Variants in LARGE1 observed in about 807,000 individuals in gnomAD.
The protein encoded by LARGE1 is LARGE xylosyl- and glucuronyltransferase 1.
A neutral mutation model predicts 87.6 loss-of-function variants in LARGE1; 43 were observed. The ratio of observed to expected loss-of-function variants is 0.49; its 90% CI spans 0.38 to 0.63. The LOEUF (loss-of-function observed/expected upper bound fraction) is 0.63, where lower values mean the gene tolerates loss of function less well. Ranked by LOEUF, LARGE1 falls within the 30% of genes least tolerant of loss-of-function variation. The pLI is 0.00. For missense variants in LARGE1, 802 were observed against 1,000.2 expected (o/e 0.80, Z 2.67); for synonymous variants, 434 against 394.6 (o/e 1.10, Z -1.18).
intron 6 of LARGE1, among the ~76,000 whole-genome samples, chr22:33,445,130 A>C (rs570910773): frequency 6.6e-6 from 1 of 151,938 alleles, no homozygotes; most frequent in Admixed American, 6.6e-5. Flanking sequence ...GTGCCCCGCC[A>C]CCTCCTCTTC....
intron 9 of LARGE1, among the ~76,000 whole-genome samples, chr22:33,341,125 C>G (rs189873266): frequency 6.6e-6 from 1 of 151,962 alleles, no homozygotes; most frequent in Non-Finnish European, 1.5e-5. Flanking sequence ...GTGGGATCTT[C>G]GAGAAGTCAT....
intron 6 of LARGE1, among the ~76,000 whole-genome samples, chr22:33,483,968 A>G (rs1173386587): frequency 1.3e-5 from 2 of 152,112 alleles, no homozygotes; most frequent in Admixed American, 6.5e-5. Context: ...TGACGGCCGG[A>G]AGTTTAGACT....
intron 6 of LARGE1, among the ~76,000 whole-genome samples, chr22:33,455,789 G>C (rs1043895133): frequency 1.4e-5 from 2 of 147,966 alleles, no homozygotes; most frequent in Non-Finnish European, 3.0e-5. Context: ...AATTGCTATT[G>C]GTTTAAACAA....
At chr22:33,410,608 C>T (rs1293444864) in intron 7 of LARGE1, among the ~76,000 whole-genome samples, 1 of 152,126 alleles carries the variant, frequency 6.6e-6, no homozygotes, top group East Asian at 1.9e-4. Context: ...GACGCCTCCC[C>T]AGCCATGTGG....
chr22:33,568,913 C>T (rs919888881), intron 5 of LARGE1, among the ~76,000 whole-genome samples: 8 of 152,006 alleles, frequency 5.3e-5, no homozygotes, highest in South Asian at 4.2e-4. Context: ...CATAGGAAGG[C>T]GGGCGATTTG....
chr22:33,131,832 A>T, the LARGE1 span, among the ~76,000 whole-genome samples: 3 of 151,128 alleles, frequency 2.0e-5, no homozygotes, highest in Non-Finnish European at 4.4e-5. Context: ...GCTGCTGATA[A>T]AGACATACCT....
intron 1 of LARGE1, among the ~76,000 whole-genome samples, chr22:33,833,176 G>T (rs956033625): frequency 3.9e-5 from 6 of 152,146 alleles, no homozygotes; most frequent in Non-Finnish European, 8.8e-5. Context: ...TCCTCAATTA[G>T]ATTTGAAACT....
intron 1 of LARGE1, among the ~76,000 whole-genome samples, chr22:33,915,205 C>T (rs2065752108): frequency 6.6e-6 from 1 of 152,200 alleles, no homozygotes; most frequent in South Asian, 2.1e-4. Context: ...TACACTGTTG[C>T]TTGCTCTTCC....
intron 5 of LARGE1, among the ~76,000 whole-genome samples, chr22:33,588,121 C>T (rs546879856): frequency 2.0e-5 from 3 of 152,156 alleles, no homozygotes; most frequent in Non-Finnish European, 1.5e-5. Flanking sequence ...ATTCAAACAC[C>T]TGGTTAGAGC....
At chr22:33,848,365 C>T (rs893770622) in intron 1 of LARGE1, among the ~76,000 whole-genome samples, 4 of 152,032 alleles carry the variant, frequency 2.6e-5, no homozygotes, top group Admixed American at 1.3e-4. Context: ...TTAAACCAGG[C>T]TCATGGGCCC....
In LARGE1 at chr22:33,882,044, T is replaced by G. The variant is rs571980789; in HGVS notation, c.-83+37951A>C. Among the ~76,000 whole-genome samples, 71 of 138,836 alleles carry G rather than the reference T, an allele frequency of 5.1e-4. 1 individual carries two copies. Among genetic ancestry groups the G allele is most frequent in the East Asian group, 2.0e-3 (10 of 5,118 alleles). 91.1% of individuals were successfully genotyped at this position (138,836 alleles called of 152,430 possible). The stretch of plus-strand genomic sequence containing the variant: ...GGGTTTTTTTGTTTTTGTTTTTTTT[T>G]GTTTTTTTTTTTTTTTGAGACGGAG... On this transcript the variant is annotated intron_variant, in intron 1 of 14. Coordinates refer to ENST00000397394, the MANE Select transcript of LARGE1 (RefSeq NM_133642.5).
chr22:33,654,223 A>C (rs912294019), intron 2 of LARGE1, among the ~76,000 whole-genome samples: 1 of 152,232 alleles, frequency 6.6e-6, no homozygotes, highest in African/African-American at 2.4e-5. Flanking sequence ...TGAAAAAAGC[A>C]ACATTCATGC....
rs570503622 is a variant in LARGE1, at chr22:33,890,435, G to A, written c.-83+29560C>T. On this transcript the variant is annotated intron_variant, in intron 1 of 14. Coordinates refer to ENST00000397394, the MANE Select transcript of LARGE1 (RefSeq NM_133642.5). ...TATTTTTTTCAAATTAACCCGCACAGCAATTCTAGGAGGCATATTTTATCT... is the reference window on the plus strand; with the variant it reads ...TATTTTTTTCAAATTAACCCGCACAACAATTCTAGGAGGCATATTTTATCT... Among the ~76,000 whole-genome samples, 68 of 152,088 alleles carry A rather than the reference G, an allele frequency of 4.5e-4. 1 individual carries two copies. The highest frequency in any genetic ancestry group is 3.5e-3 in the South Asian group (17 of 4,820).
At chr22:33,117,077 A>T in the LARGE1 span, among the ~76,000 whole-genome samples, 1 of 152,210 alleles carries the variant, frequency 6.6e-6, no homozygotes, top group Non-Finnish European at 1.5e-5. Context: ...GGCCTCTCTG[A>T]GTCTCATGTC....
chr22:33,853,131 T>C (rs2063659412), intron 1 of LARGE1, among the ~76,000 whole-genome samples: 1 of 152,032 alleles, frequency 6.6e-6, no homozygotes, highest in Non-Finnish European at 1.5e-5. Flanking sequence ...ATCGTCTCAT[T>C]TCAGATATGC....
chr22:33,838,605 C>T (rs1376214785), intron 1 of LARGE1, among the ~76,000 whole-genome samples: 2 of 152,206 alleles, frequency 1.3e-5, no homozygotes, highest in African/African-American at 4.8e-5. Flanking sequence ...TGTGCCACTG[C>T]ACTCCACCCT....
intron 2 of LARGE1, among the ~76,000 whole-genome samples, chr22:33,666,619 C>T (rs1251565239): frequency 1.3e-5 from 2 of 152,154 alleles, no homozygotes; most frequent in Non-Finnish European, 2.9e-5. Context: ...GTCTCAGCTG[C>T]CAGGCTCAGG....
intron 11 of LARGE1, among the ~76,000 whole-genome samples, chr22:33,179,154 A>G (rs1403335145): frequency 6.6e-6 from 1 of 152,164 alleles, no homozygotes; most frequent in Non-Finnish European, 1.5e-5. Flanking sequence ...ACCTCCAATC[A>G]ACATATAAAT....
At chr22:33,181,849 T>A (rs1425791041) in intron 11 of LARGE1, among the ~76,000 whole-genome samples, 1 of 127,808 alleles carries the variant, frequency 7.8e-6, no homozygotes, top group Non-Finnish European at 1.7e-5. Flanking sequence ...TTTTTTTTTT[T>A]ACATGGAGTC....
Sources: gnomAD v4.1 joint callset for allele counts (sites outside exome capture counted in the v4.1 genomes callset) on GRCh38, gnomAD v4.1.1 for gene constraint, MANE v1.5 for transcripts, NCBI Gene and HGNC (gene_info 2026-07-23, HGNC 2026-07-21) for gene names.